ALG9: variants seen among roughly 807,000 people sequenced by gnomAD.
ALG9 encodes the protein ALG9 alpha-1,2-mannosyltransferase.
In ALG9, 55 loss-of-function variants were observed where a neutral mutation model predicts 81.8. The ratio of observed to expected loss-of-function variants is 0.67; its 90% CI spans 0.54 to 0.84. The LOEUF is 0.84. Ranked by LOEUF, ALG9 falls within the 40% of genes least tolerant of loss-of-function variation. ALG9 has a pLI of 0.00. For missense variants in ALG9, 629 were observed against 745.0 expected (o/e 0.84, Z 1.81); for synonymous variants, 278 against 274.3 (o/e 1.01, Z -0.13).
the ALG9 span, among the ~76,000 whole-genome samples, chr11:111,773,048 C>A: frequency 6.6e-6 from 1 of 151,452 alleles, no homozygotes; most frequent in African/African-American, 2.4e-5. Context: ...ACCATCCTGG[C>A]TAACATAGTG....
intron 5 of ALG9, among the ~76,000 whole-genome samples, chr11:111,858,812 A>G (rs1428733699): frequency 6.6e-6 from 1 of 152,232 alleles, no homozygotes; most frequent in Non-Finnish European, 1.5e-5. Flanking sequence ...AAGGGTTCAG[A>G]GGCTCTGTAT....
rs1555118599 is a variant in ALG9 at position 111,837,490 on chromosome 11, T to C, written c.1450A>G (p.Ser484Gly). 6 of 1,614,204 alleles carry C rather than the reference T, an allele frequency of 3.7e-6. No homozygotes were observed. The highest frequency in any genetic ancestry group is 5.1e-6 in the Non-Finnish European group (6 of 1,180,034). Residue 484 changes from serine (S) to glycine (G), a missense_variant, in exon 12 of 15, where the codon AGC (serine) becomes GGC (glycine). Around this residue, in one of 3 missense-constraint regions of ALG9, gnomAD observed 264 missense variants for 302.2 expected, o/e 0.87. Coordinates refer to ENST00000616540, the MANE Select transcript of ALG9 (RefSeq NM_024740.2). The part of the protein sequence containing the change: ...CVGKEWYRFP[S>G]SFLLPDNWQL... ...TACTTGTCAGGAAGAAGGAAGCTGC[T>C]GGGAAATCGATACCACTCTTTTCCC...
intron 9 of ALG9, among the ~76,000 whole-genome samples, chr11:111,842,184 A>G (rs1592220539): frequency 6.6e-6 from 1 of 152,338 alleles, no homozygotes; most frequent in East Asian, 1.9e-4. Flanking sequence ...GGCGTGAGCC[A>G]CTGTGCCTGG....
intron 5 of ALG9, 33 bp from the exon 6 acceptor site, chr11:111,857,770 G>A (rs560546053): frequency 3.1e-6 from 5 of 1,612,896 alleles, no homozygotes; most frequent in Admixed American, 1.7e-5. Context: ...AAAGGCAGGA[G>A]GACAAGAGCT....
intron 3 of ALG9, among the ~76,000 whole-genome samples, chr11:111,865,655 C>A (rs532098802): frequency 2.8e-4 from 42 of 152,264 alleles, no homozygotes; most frequent in African/African-American, 1.0e-3. Flanking sequence ...ACAAGCAATT[C>A]TTCAACAACC....
At position 111,837,629 on chromosome 11, in the gene ALG9, C is replaced by T. The variant is rs1955536499; in HGVS notation, c.1325-14G>A. On this transcript the variant is annotated splice_polypyrimidine_tract_variant and intron_variant, in intron 11 of 14. Transcript: ENST00000616540. ...GCCCGTGATATCCTGGAAGGGAGAA[C>T]AGTTAGTGAGAGCCAGAGATGAGTA... 1 of 1,613,460 alleles carries T rather than the reference C, an allele frequency of 6.2e-7. No individual in the cohort carries two copies. Among genetic ancestry groups the T allele is most frequent in the Admixed American group, 1.7e-5 (1 of 59,942 alleles).
chr11:111,792,979 T>C (rs185553285), intron 14 of ALG9, among the ~76,000 whole-genome samples: 73 of 152,262 alleles, frequency 4.8e-4, no homozygotes, highest in Non-Finnish European at 9.3e-4. Flanking sequence ...TGGGAATATA[T>C]TGTAATTTCT....
Position 111,844,778 on chromosome 11 carries a change from C to T in ALG9, c.896-55G>A, listed in dbSNP as rs1956717828. On this transcript the variant is annotated intron_variant, in intron 8 of 14. Transcript: ENST00000616540. ...TAGTGGATGCCTTTAACACCTATTA[C>T]GGTGCTTGACATATAATGTTCTTTG... 6.3e-6 allele frequency: 10 copies of T among 1,575,902 alleles called. No homozygotes were observed. The East Asian group carries it at 6.8e-5, about 11-fold the overall frequency.
intron 9 of ALG9, among the ~76,000 whole-genome samples, chr11:111,841,371 T>C (rs542298717): frequency 6.6e-6 from 1 of 152,328 alleles, no homozygotes; most frequent in African/African-American, 2.4e-5. Flanking sequence ...AACATAAAAA[T>C]GCTCTTAAAG....
chr11:111,818,709 G>A (rs1385060002), intron 13 of ALG9, among the ~76,000 whole-genome samples: 7 of 152,188 alleles, frequency 4.6e-5, no homozygotes, highest in Admixed American at 4.6e-4. Context: ...TTCATTGTAA[G>A]CTCCATAAAA....
At chr11:111,786,547 A>C in intron 14 of ALG9, 27 bp from the exon 15 acceptor site, 1 of 1,612,586 alleles carries the variant, frequency 6.2e-7, no homozygotes, top group Non-Finnish European at 8.5e-7. Flanking sequence ...AAAAAAAAGA[A>C]TTTTATCACT....
chr11:111,800,508 A>G (rs1228034595), intron 14 of ALG9, among the ~76,000 whole-genome samples: 4 of 151,758 alleles, frequency 2.6e-5, no homozygotes, highest in Admixed American at 6.6e-5. Context: ...ATAAAATAAA[A>G]AAGAATCTAA....
intron 8 of ALG9, 135 bp from the exon 9 acceptor site, chr11:111,844,858 T>C: frequency 1.1e-6 from 1 of 940,068 alleles, no homozygotes; most frequent in South Asian, 1.3e-5. Flanking sequence ...CACAGCCCAC[T>C]CTTCCCATGC....
chr11:111,865,163 CAA>C lies in ALG9; in HGVS notation c.476+16_476+17del. ...GGTTTCCTCACAGCACTTTTAGAAG[CAA>C]AGTTTTTATACTCACTTGTAAAAGT... On this transcript the variant is annotated intron_variant, in intron 4 of 14. Coordinates refer to ENST00000616540, the MANE Select transcript of ALG9 (RefSeq NM_024740.2). 4 of 1,530,292 alleles carry C rather than the reference CAA, an allele frequency of 2.6e-6. No homozygotes were observed. Among genetic ancestry groups the C allele is most frequent in the Non-Finnish European group, 3.5e-6 (4 of 1,138,242 alleles). The allele number at this position is 1,530,292 out of a possible 1,614,324, so 94.8% of individuals were successfully genotyped here.
chr11:111,802,894 T>C (rs1949344712), intron 14 of ALG9, among the ~76,000 whole-genome samples: 1 of 152,152 alleles, frequency 6.6e-6, no homozygotes. Context: ...TCTTATCACC[T>C]CATCCCTTAA....
intron 13 of ALG9, among the ~76,000 whole-genome samples, chr11:111,834,244 A>G (rs1223716356): frequency 2.0e-5 from 3 of 152,224 alleles, no homozygotes; most frequent in African/African-American, 7.2e-5. Flanking sequence ...AGAGGAAGAT[A>G]ATTTTGATAG....
chr11:111,857,814 A>G lies in ALG9; in HGVS notation c.566-77T>C, dbSNP rs1456743292. On this transcript the variant is annotated intron_variant, in intron 5 of 14. Transcript: ENST00000616540. ...ATTAGGTATCAATTAAAAACTGATT[A>G]AAAATTTACCTACATTATAAAATGT... 2.0e-6 allele frequency: 3 copies of G among 1,527,592 alleles called. No homozygotes were observed. In the African/African-American group the frequency reaches 4.2e-5, roughly 21 times the overall value. 94.6% of individuals were successfully genotyped at this position (1,527,592 alleles called of 1,614,324 possible). A position where few individuals can be genotyped will look rare whatever the true frequency, so the allele number is the denominator to read the frequency against.
intron 14 of ALG9, among the ~76,000 whole-genome samples, chr11:111,794,999 G>A (rs1174941141): frequency 2.0e-5 from 3 of 152,210 alleles, no homozygotes; most frequent in Admixed American, 2.0e-4. Flanking sequence ...GTTTTTAACA[G>A]GAAATGCGGT....
At chr11:111,779,941 C>A (rs919477790), downstream of ALG9, among the ~76,000 whole-genome samples, 3 of 152,200 alleles carry the variant, frequency 2.0e-5, no homozygotes, top group African/African-American at 7.2e-5. Context: ...ATATTTCTCA[C>A]GTGTTGGTTA....
Sources: allele counts gnomAD v4.1 joint callset (sites outside exome capture counted in the v4.1 genomes callset), GRCh38; gene constraint gnomAD v4.1.1; regional missense constraint gnomAD v4.1.1; transcripts MANE v1.5; gene names NCBI Gene and HGNC (gene_info 2026-07-23, HGNC 2026-07-21).